Variants in NBAS observed in about 807,000 individuals in gnomAD.
The protein encoded by NBAS is NAG/BC035112 fusion.
Under a neutral mutation model 302.5 loss-of-function variants are expected in NBAS, and 219 were observed. The ratio of observed to expected loss-of-function variants is 0.72; its 90% CI spans 0.65 to 0.81. The LOEUF (loss-of-function observed/expected upper bound fraction) is 0.81, where lower values mean the gene tolerates loss of function less well. Among genes scored for constraint, NBAS ranks in the 30% least tolerant of loss-of-function variants. The probability of loss-of-function intolerance (pLI) is 0.00; values close to 1 mark genes in which losing one functional copy is unlikely to be tolerated. For synonymous variants in NBAS, 1,118 were observed against 1,021.6 expected (o/e 1.09, Z -1.80); for missense variants, 2,932 against 2,841.6 (o/e 1.03, Z -0.72).
chr2:15,187,547 T>C (rs1312092669), intron 49 of NBAS, among the ~76,000 whole-genome samples: 4 of 152,268 alleles, frequency 2.6e-5, no homozygotes, highest in Middle Eastern at 6.8e-3. Context: ...TTCCTTGTAT[T>C]GGAAACATAA....
At chr2:14,834,646 A>G in the NBAS span, among the ~76,000 whole-genome samples, 2 of 152,142 alleles carry the variant, frequency 1.3e-5, no homozygotes, top group African/African-American at 2.4e-5. Flanking sequence ...AAAAAATAGT[A>G]CAAGACAAGG....
intron 40 of NBAS, among the ~76,000 whole-genome samples, chr2:15,303,787 G>T (rs1368925387): frequency 6.6e-6 from 1 of 152,226 alleles, no homozygotes; most frequent in Non-Finnish European, 1.5e-5. Context: ...TTTAATTAAA[G>T]AAATGAAACT....
chr2:15,082,444 C>T, the NBAS span, among the ~76,000 whole-genome samples: 2 of 152,186 alleles, frequency 1.3e-5, no homozygotes, highest in Non-Finnish European at 2.9e-5. Flanking sequence ...GACAGCAGAC[C>T]ATCTAGACTC....
chr2:14,995,939 TC>T, the NBAS span, among the ~76,000 whole-genome samples: 1 of 151,896 alleles, frequency 6.6e-6, no homozygotes, highest in Non-Finnish European at 1.5e-5. Flanking sequence ...CATATCATGC[TC>T]CCCTCTTCCC....
intron 35 of NBAS, among the ~76,000 whole-genome samples, chr2:15,338,674 T>TACACACACATACACACACACAC (rs1672705836): frequency 1.5e-5 from 2 of 134,746 alleles, no homozygotes; most frequent in Non-Finnish European, 3.2e-5. Flanking sequence ...AACACACACA[T>TACACACACATACACACACACAC]ACACACACAC....
At chr2:15,386,333 G>A (rs186972263) in intron 28 of NBAS, among the ~76,000 whole-genome samples, 1 of 152,218 alleles carries the variant, frequency 6.6e-6, no homozygotes. Flanking sequence ...AAGATAGGAA[G>A]GAATATACAA....
intron 26 of NBAS, among the ~76,000 whole-genome samples, chr2:15,397,038 T>C (rs1675897184): frequency 6.6e-6 from 1 of 152,138 alleles, no homozygotes; most frequent in South Asian, 2.1e-4. Context: ...TAATCCCTAG[T>C]AGGGAGTGAA....
chr2:15,172,418 T>C (rs1205849757), intron 51 of NBAS, among the ~76,000 whole-genome samples: 1 of 152,228 alleles, frequency 6.6e-6, no homozygotes, highest in Non-Finnish European at 1.5e-5. Context: ...ATGAACATTC[T>C]AACCTATTGT....
At chr2:15,537,830 T>C (rs1367485159) in intron 7 of NBAS, among the ~76,000 whole-genome samples, 1 of 152,190 alleles carries the variant, frequency 6.6e-6, no homozygotes, top group Non-Finnish European at 1.5e-5. Context: ...GTACAACTTT[T>C]CTCCTGCTAA....
rs892054316 is a variant in NBAS at position 15,383,244 on chromosome 2, T to C, written c.3331A>G (p.Thr1111Ala). The part of the protein sequence containing the change: ...DMLTMQQNVY[T>A]CLDSDACYEI... ...TAGCAGGCATCAGAATCTAGACATG[T>C]GTATACATTCTGCTGCATAGTTAAC... The change falls in exon 29 of 52, where the codon ACA becomes GCA. Residue 1111 changes from threonine to alanine, a missense_variant. Coordinates refer to ENST00000281513, the MANE Select transcript of NBAS (RefSeq NM_015909.4). 1 of 1,614,042 alleles carries C rather than the reference T, an allele frequency of 6.2e-7. No homozygotes were observed. Among genetic ancestry groups the C allele is most frequent in the Middle Eastern group, 1.7e-4 (1 of 6,060 alleles).
the NBAS span, among the ~76,000 whole-genome samples, chr2:15,037,120 C>T: frequency 6.6e-6 from 1 of 152,164 alleles, no homozygotes; most frequent in South Asian, 2.1e-4. Flanking sequence ...TGATGACCCA[C>T]AGCAGAACTT....
the NBAS span, among the ~76,000 whole-genome samples, chr2:15,051,902 T>G: frequency 1.6e-3 from 240 of 152,320 alleles, no homozygotes; most frequent in Middle Eastern, 0.01. Flanking sequence ...TACCTCTTTT[T>G]TTTTCAAGAG....
At chr2:15,545,482 G>A (rs1053403759) in intron 6 of NBAS, among the ~76,000 whole-genome samples, 14 of 152,102 alleles carry the variant, frequency 9.2e-5, no homozygotes, top group Admixed American at 2.0e-4. Context: ...TACAGGGGAC[G>A]TCAGTACAGA....
intron 17 of NBAS, 103 bp downstream of exon 17, chr2:15,468,279 C>A: frequency 7.2e-7 from 1 of 1,385,918 alleles, no homozygotes; most frequent in Non-Finnish European, 1.0e-6. Context: ...TGCTTCAGTA[C>A]AGAATAACTT....
chr2:15,482,965 TGCCA>T (rs1289605591), intron 12 of NBAS, among the ~76,000 whole-genome samples: 1 of 152,172 alleles, frequency 6.6e-6, no homozygotes, highest in Non-Finnish European at 1.5e-5. Flanking sequence ...CAGCCTAATA[TGCCA>T]TCATTTTATA....
chr2:15,131,371 T>C, the NBAS span, among the ~76,000 whole-genome samples: 1 of 152,304 alleles, frequency 6.6e-6, no homozygotes, highest in South Asian at 2.1e-4. Flanking sequence ...TCTGATGAAA[T>C]GGTTCTTGGT....
intron 12 of NBAS, among the ~76,000 whole-genome samples, chr2:15,479,389 C>A (rs1051695136): frequency 2.0e-5 from 3 of 152,072 alleles, no homozygotes; most frequent in Non-Finnish European, 2.9e-5. Flanking sequence ...CATTTTAAAG[C>A]ACCTGACAAT....
chr2:15,150,953 C>T, the NBAS span, among the ~76,000 whole-genome samples: 361 of 151,262 alleles, frequency 2.4e-3, 1 homozygote, highest in African/African-American at 8.4e-3. Context: ...GGAACTTTTG[C>T]GGTGAAATTA....
intron 10 of NBAS, among the ~76,000 whole-genome samples, chr2:15,507,339 G>T (rs1307999546): frequency 6.6e-6 from 1 of 152,070 alleles, no homozygotes; most frequent in Non-Finnish European, 1.5e-5. Context: ...AGGGAAATAG[G>T]ATTTCTCGTG....
Sources: gnomAD v4.1 joint callset for allele counts (sites outside exome capture counted in the v4.1 genomes callset) on GRCh38, gnomAD v4.1.1 for gene constraint, MANE v1.5 for transcripts, NCBI Gene and HGNC (gene_info 2026-07-23, HGNC 2026-07-21) for gene names.